LIG1: variants seen among roughly 807,000 people sequenced by gnomAD.
LIG1 encodes ligase I, DNA, ATP-dependent.
In LIG1, 70 loss-of-function variants were observed where a neutral mutation model predicts 115.7. That is an observed-to-expected ratio of 0.60 (90% CI 0.50 to 0.74). LIG1 has a LOEUF of 0.74. Among genes scored for constraint, LIG1 ranks in the 30% least tolerant of loss-of-function variants. LIG1 has a pLI of 0.00. For synonymous variants in LIG1, 487 were observed against 495.3 expected (o/e 0.98, Z 0.22); for missense variants, 1,115 against 1,225.6 (o/e 0.91, Z 1.35).
chr19:48,127,256 G>C, intron 21 of LIG1, 21 bp downstream of exon 21: 1 of 1,608,010 alleles, frequency 6.2e-7, no homozygotes, highest in Non-Finnish European at 8.5e-7. Context: ...AGCTGCCCCT[G>C]GACAGGAAGC....
At chr19:48,150,061 G>T in intron 8 of LIG1, 27 bp downstream of exon 8, 1 of 1,614,118 alleles carries the variant, frequency 6.2e-7, no homozygotes, top group Non-Finnish European at 8.5e-7. Flanking sequence ...ACAACCCCGG[G>T]AGGTGGGGTG....
intron 6 of LIG1, among the ~76,000 whole-genome samples, chr19:48,153,667 C>CCTTCCTCCTCCTCCTTCCTCTTGGCT (rs2035618172): frequency 6.8e-6 from 1 of 147,396 alleles, no homozygotes; most frequent in African/African-American, 2.5e-5. Flanking sequence ...CACACACACA[C>CCTTCCTCCTCCTCCTTCCTCTTGGCT]ACACACACAC....
chr19:48,159,960 G>A (rs1221917227), intron 4 of LIG1, among the ~76,000 whole-genome samples: 1 of 151,892 alleles, frequency 6.6e-6, no homozygotes, highest in Non-Finnish European at 1.5e-5. Flanking sequence ...CTTGTGATCT[G>A]CCTGCCTCGG....
In LIG1 at chr19:48,137,380, AAGG is replaced by A. The variant is rs201116935; in HGVS notation, c.1254+139_1254+141del. 989 of 1,075,014 alleles carry A rather than the reference AAGG, an allele frequency of 9.2e-4. 13 individuals carry two copies. In the East Asian group the frequency reaches 0.024, roughly 26 times the overall value. 66.6% of individuals were successfully genotyped at this position (1,075,014 alleles called of 1,614,324 possible). A position where few individuals can be genotyped will look rare whatever the true frequency, so the allele number is the denominator to read the frequency against. On this transcript the variant is annotated intron_variant, in intron 13 of 27. Coordinates refer to ENST00000263274, the MANE Select transcript of LIG1 (RefSeq NM_000234.3). The surrounding 1 kb of genome is among the most constrained non-coding windows in gnomAD (Gnocchi z 4.3). ...AGACTCCCCTAGGATTGGGTGCAGG[AAGG>A]AGGAGAGGAAGCTGTGCACCCCATG...
chr19:48,158,464 CGT>C (rs2035984063), intron 4 of LIG1, among the ~76,000 whole-genome samples: 1 of 152,238 alleles, frequency 6.6e-6, no homozygotes, highest in African/African-American at 2.4e-5. Context: ...CCACTGCTAC[CGT>C]GTCTCGGTTT....
Position 48,137,210 on chromosome 19 carries a change from TC to T in LIG1, c.1255-127del. 1 of 846,864 alleles carries T rather than the reference TC, an allele frequency of 1.2e-6. No individual in the cohort carries two copies. 52.5% of individuals were successfully genotyped at this position (846,864 alleles called of 1,614,324 possible). A position where few individuals can be genotyped will look rare whatever the true frequency, so the allele number is the denominator to read the frequency against. On this transcript the variant is annotated intron_variant, in intron 13 of 27. Coordinates refer to ENST00000263274, the MANE Select transcript of LIG1 (RefSeq NM_000234.3). This position sits in a 1 kb window ranked among gnomAD's most constrained non-coding sequence, Gnocchi z 4.3. ...CTCCTTCCCTCACCCCATCCCCATGTCCCAGCTCCCATGGCCGCCCACTCTT... is the reference window on the plus strand; with the variant it reads ...CTCCTTCCCTCACCCCATCCCCATGTCCAGCTCCCATGGCCGCCCACTCTT...
At chr19:48,155,142 T>TG (rs1371187384) in intron 5 of LIG1, among the ~76,000 whole-genome samples, 2 of 152,090 alleles carry the variant, frequency 1.3e-5, no homozygotes. Flanking sequence ...TCAGCCACAC[T>TG]GTGACTTCCT....
Position 48,137,961 on chromosome 19 carries a change from G to A in LIG1, c.1088-273C>T, listed in dbSNP as rs116924804. 100 of 553,314 alleles carry A rather than the reference G, an allele frequency of 1.8e-4. No homozygotes were observed. In the East Asian group the frequency reaches 2.8e-3, roughly 16 times the overall value. 34.3% of individuals were successfully genotyped at this position (553,314 alleles called of 1,614,324 possible). On this transcript the variant is annotated intron_variant, in intron 12 of 27. Transcript: ENST00000263274. This position sits in a 1 kb window ranked among gnomAD's most constrained non-coding sequence, Gnocchi z 4.3. The stretch of plus-strand genomic sequence containing the variant: ...CACACTCAGGGGAGACATCTGGGCC[G>A]GTGTCATCAGGGCGCGGATGGGATT...
chr19:48,157,718 T>C (rs2035938518), intron 4 of LIG1, among the ~76,000 whole-genome samples: 1 of 152,104 alleles, frequency 6.6e-6, no homozygotes, highest in South Asian at 2.1e-4. Context: ...CTAATTTTTG[T>C]ATTTTTTTTA....
intron 3 of LIG1, among the ~76,000 whole-genome samples, chr19:48,161,889 G>T (rs377033026): frequency 7.4e-6 from 1 of 135,722 alleles, no homozygotes; most frequent in Non-Finnish European, 1.6e-5. Context: ...GCAGTGGGCC[G>T]AGATCACACC....
At chr19:48,127,378 T>C in intron 20 of LIG1, 30 bp from the exon 21 acceptor site, 1 of 1,595,212 alleles carries the variant, frequency 6.3e-7, no homozygotes, top group Non-Finnish European at 8.6e-7. Context: ...AGTTCGTGAG[T>C]GCAGGAAGGT....
chr19:48,155,944 A>G (rs1404592299), intron 5 of LIG1, among the ~76,000 whole-genome samples: 4 of 152,220 alleles, frequency 2.6e-5, no homozygotes, highest in Admixed American at 6.5e-5. Flanking sequence ...TGAAAGATTC[A>G]GCTCCCCTGT....
chr19:48,141,390 C>T (rs571304445), intron 11 of LIG1, among the ~76,000 whole-genome samples: 20 of 149,182 alleles, frequency 1.3e-4, no homozygotes, highest in African/African-American at 5.1e-4. Context: ...CCTCGGCCTC[C>T]CAAAGTGCTG....
intron 1 of LIG1, 91 bp from the exon 2 acceptor site, chr19:48,165,714 A>G: frequency 1.0e-6 from 1 of 970,120 alleles, no homozygotes; most frequent in South Asian, 1.4e-5. Flanking sequence ...AGAAAGAAAA[A>G]AAAAAACAGA....
At chr19:48,150,970 G>C (rs894266108) in intron 7 of LIG1, among the ~76,000 whole-genome samples, 1 of 151,982 alleles carries the variant, frequency 6.6e-6, no homozygotes, top group Non-Finnish European at 1.5e-5. Context: ...CAAAGAGCTA[G>C]GATTACAGGT....
At chr19:48,152,651 G>C (rs928079607) in intron 6 of LIG1, among the ~76,000 whole-genome samples, 2 of 152,102 alleles carry the variant, frequency 1.3e-5, no homozygotes, top group African/African-American at 4.8e-5. Flanking sequence ...AGGAAACCCA[G>C]CGACACCTGC....
chr19:48,122,101 C>G lies in LIG1; in HGVS notation c.2233-779G>C, dbSNP rs897130989. 2 of 153,356 alleles carry G rather than the reference C, an allele frequency of 1.3e-5. No homozygotes were observed. Among genetic ancestry groups the G allele is most frequent in the East Asian group, 3.8e-4 (2 of 5,196 alleles). The allele number at this position is 153,356 out of a possible 1,614,324, so 9.5% of individuals were successfully genotyped here. On this transcript the variant is annotated intron_variant, in intron 23 of 27. Coordinates refer to ENST00000263274, the MANE Select transcript of LIG1 (RefSeq NM_000234.3). The surrounding 1 kb of genome is among the most constrained non-coding windows in gnomAD (Gnocchi z 4.3). ...ACATAAGTACACAGGAAGAGCTAGT[C>G]AGCAGGCCTGGCCGGCTCAGTGCCA...
chr19:48,156,919 A>G (rs2035875133), intron 5 of LIG1, 95 bp downstream of exon 5: 1 of 1,205,172 alleles, frequency 8.3e-7, no homozygotes, highest in Non-Finnish European at 1.1e-6. Flanking sequence ...AGCCTAGGCA[A>G]CAGAGCGAGA....
At chr19:48,160,362 A>G (rs2036102859) in intron 4 of LIG1, among the ~76,000 whole-genome samples, 3 of 152,188 alleles carry the variant, frequency 2.0e-5, no homozygotes, top group Admixed American at 1.3e-4. Flanking sequence ...GAAAGAAGGT[A>G]GTGGCCCAGA....
Sources: gnomAD v4.1 joint callset for allele counts (sites outside exome capture counted in the v4.1 genomes callset) on GRCh38, gnomAD v4.1.1 for gene constraint, Gnocchi (gnomAD v3.1) non-coding constraint, MANE v1.5 for transcripts, NCBI Gene and HGNC (gene_info 2026-07-23, HGNC 2026-07-21) for gene names.